The following ZNF704 variants were observed in gnomAD, a reference collection of about 807,000 sequenced individuals.
The protein encoded by ZNF704 is glucocorticoid induced gene 1.
ZNF704 carries 10 observed loss-of-function variants against 44.7 expected under a neutral mutation model. The ratio of observed to expected loss-of-function variants is 0.22; its 90% CI spans 0.14 to 0.38. The LOEUF (loss-of-function observed/expected upper bound fraction) is 0.38. Among genes scored for constraint, ZNF704 ranks in the 10% least tolerant of loss-of-function variants. The probability of loss-of-function intolerance (pLI) is 1.00; values close to 1 mark genes in which losing one functional copy is unlikely to be tolerated. For synonymous variants in ZNF704, 211 were observed against 207.6 expected, an observed-to-expected ratio of 1.02 and a Z score of -0.14; for missense variants, 390 against 545.5, an observed-to-expected ratio of 0.71 and a Z score of 2.84.
At chr8:80,824,226 C>A (rs1295468498) in intron 1 of ZNF704, among the ~76,000 whole-genome samples, 1 of 152,082 alleles carries the variant, frequency 6.6e-6, no homozygotes, top group Admixed American at 6.5e-5. Context: ...GTAAAGAAGA[C>A]CTTAAATGAC....
chr8:80,775,262 G>A (rs938775233), intron 2 of ZNF704, among the ~76,000 whole-genome samples: 2 of 152,152 alleles, frequency 1.3e-5, no homozygotes, highest in African/African-American at 2.4e-5. Flanking sequence ...AGGAATTTGC[G>A]GATAAGGCCT....
chr8:80,709,427 T>C lies in ZNF704; in HGVS notation c.222-16320A>G, dbSNP rs1009319539. 1.6e-4 allele frequency among the ~76,000 whole-genome samples: 17 copies of C among 108,632 alleles called. No homozygotes were observed. The East Asian group carries it at 3.0e-3, about 19-fold the overall frequency. The allele number at this position is 108,632 out of a possible 152,430, so 71.3% of individuals were successfully genotyped here. The stretch of plus-strand genomic sequence containing the variant: ...CCACTGCACTCCACCTTGGCAACAG[T>C]GCGAGACTCCATCTCAAAAAAAAAA... On this transcript the variant is annotated intron_variant, in intron 2 of 8. Transcript: ENST00000327835.
chr8:80,744,785 A>C (rs1361047234), intron 2 of ZNF704, among the ~76,000 whole-genome samples: 1 of 152,312 alleles, frequency 6.6e-6, no homozygotes, highest in African/African-American at 2.4e-5. Flanking sequence ...CACATGAACT[A>C]ACCAATATTA....
At chr8:80,848,163 C>T (rs979018821) in intron 1 of ZNF704, among the ~76,000 whole-genome samples, 2 of 152,128 alleles carry the variant, frequency 1.3e-5, no homozygotes, top group Admixed American at 1.3e-4. Context: ...TGTGCAATTC[C>T]ATGTATATAA....
chr8:80,661,962 C>G (rs1040058391), intron 6 of ZNF704, among the ~76,000 whole-genome samples: 2 of 152,186 alleles, frequency 1.3e-5, no homozygotes, highest in East Asian at 1.9e-4. Flanking sequence ...TCCCAACACA[C>G]AGAAATGATA....
rs1818263496 is a variant in ZNF704, at chr8:80,670,616, G to A, written c.559-13C>T. 1 of 1,546,724 alleles carries A rather than the reference G, an allele frequency of 6.5e-7. No individual in the cohort carries two copies. Among genetic ancestry groups the A allele is most frequent in the Non-Finnish European group, 8.9e-7 (1 of 1,119,242 alleles). Reference sequence around the variant, plus strand: ...CCTTCATGGAATTCTGTAAAGGGGAGAGAGTGATATTAGAATGGAAACTAT... The same window carrying A: ...CCTTCATGGAATTCTGTAAAGGGGAAAGAGTGATATTAGAATGGAAACTAT... On this transcript the variant is annotated splice_polypyrimidine_tract_variant and intron_variant, in intron 4 of 8. Coordinates refer to ENST00000327835, the MANE Select transcript of ZNF704 (RefSeq NM_001033723.3).
intron 4 of ZNF704, among the ~76,000 whole-genome samples, chr8:80,680,962 C>T (rs1440834277): frequency 6.6e-6 from 1 of 152,192 alleles, no homozygotes; most frequent in Non-Finnish European, 1.5e-5. Flanking sequence ...AATGGAATAA[C>T]CCAGAATGTA....
Position 80,635,390 on chromosome 8 carries a change from GTTTT to G in ZNF704, c.*5972_*5975del, listed in dbSNP as rs1163386888. On this transcript the variant is annotated 3_prime_UTR_variant, in exon 9 of 9. Coordinates refer to ENST00000327835, the MANE Select transcript of ZNF704 (RefSeq NM_001033723.3). ...ATCAAGCACTTGTTCTTTTTGTTTT[GTTTT>G]TTTATTTTCCTTTTTTATTTTTTCC... The G allele has an allele frequency of 2.6e-5, 4 of 152,022 alleles. No homozygotes were observed. Among genetic ancestry groups the G allele is most frequent in the South Asian group, 2.1e-4 (1 of 4,814 alleles). 9.4% of individuals were successfully genotyped at this position (152,022 alleles called of 1,614,324 possible).
chr8:80,766,443 G>A (rs1285747844), intron 2 of ZNF704, among the ~76,000 whole-genome samples: 1 of 152,100 alleles, frequency 6.6e-6, no homozygotes, highest in African/African-American at 2.4e-5. Flanking sequence ...CTGCACCCCT[G>A]TCCTTTCCTG....
intron 2 of ZNF704, among the ~76,000 whole-genome samples, chr8:80,727,342 T>C (rs755055606): frequency 1.3e-5 from 2 of 152,106 alleles, no homozygotes; most frequent in Non-Finnish European, 2.9e-5. Flanking sequence ...AGGGGAAAGA[T>C]TCTGCTCTCA....
At chr8:80,724,504 C>T (rs1230527550) in intron 2 of ZNF704, among the ~76,000 whole-genome samples, 1 of 152,198 alleles carries the variant, frequency 6.6e-6, no homozygotes, top group Non-Finnish European at 1.5e-5. Flanking sequence ...TACACTATTC[C>T]TGGCATGTCT....
intron 4 of ZNF704, among the ~76,000 whole-genome samples, chr8:80,682,725 G>A (rs1013555632): frequency 3.3e-5 from 5 of 152,192 alleles, no homozygotes; most frequent in South Asian, 4.1e-4. Flanking sequence ...GCCAAACGGC[G>A]GTGGGGGAGG....
intron 2 of ZNF704, among the ~76,000 whole-genome samples, chr8:80,696,126 A>G (rs1360130640): frequency 6.6e-6 from 1 of 152,236 alleles, no homozygotes; most frequent in African/African-American, 2.4e-5. Flanking sequence ...TATACAAAGT[A>G]GAATTTGTTA....
At chr8:80,738,966 C>A (rs1312626695) in intron 2 of ZNF704, among the ~76,000 whole-genome samples, 1 of 152,104 alleles carries the variant, frequency 6.6e-6, no homozygotes, top group African/African-American at 2.4e-5. Context: ...CTGGATAGAA[C>A]CTGCAGGCTA....
intron 1 of ZNF704, among the ~76,000 whole-genome samples, chr8:80,846,976 C>A (rs1363208258): frequency 1.3e-5 from 2 of 152,034 alleles, no homozygotes; most frequent in African/African-American, 2.4e-5. Flanking sequence ...AGTTCAAGAC[C>A]AGCCTGGCCA....
rs145260665 is a variant in ZNF704, at chr8:80,690,236, T to G, written c.325+2768A>C. ...TTACTGTGCTAACGAAAGTTTGCAT[T>G]GAAGAGCCAAAAGGTTTATTTTAAT... On this transcript the variant is annotated intron_variant, in intron 3 of 8. Transcript: ENST00000327835. Among the ~76,000 whole-genome samples, 331 of 152,300 alleles carry G rather than the reference T, an allele frequency of 2.2e-3. 1 individual carries two copies. The highest frequency in any genetic ancestry group is 7.7e-3 in the African/African-American group (318 of 41,556).
chr8:80,813,644 G>A (rs180735729), intron 2 of ZNF704, among the ~76,000 whole-genome samples: 199 of 152,272 alleles, frequency 1.3e-3, no homozygotes, highest in East Asian at 0.011. Flanking sequence ...TTGGGAGGCC[G>A]AGGCGGGCAG....
At chr8:80,723,618 A>T (rs1806414621) in intron 2 of ZNF704, among the ~76,000 whole-genome samples, 1 of 152,246 alleles carries the variant, frequency 6.6e-6, no homozygotes, top group African/African-American at 2.4e-5. Flanking sequence ...TGGTATTTAG[A>T]TTCCACTGGA....
chr8:80,805,064 T>C (rs558484194), intron 2 of ZNF704, among the ~76,000 whole-genome samples: 1 of 152,324 alleles, frequency 6.6e-6, no homozygotes, highest in East Asian at 1.9e-4. Flanking sequence ...AATGTCATTA[T>C]CAAACTGTAA....
Sources: allele counts gnomAD v4.1 joint callset (sites outside exome capture counted in the v4.1 genomes callset), GRCh38; gene constraint gnomAD v4.1.1; transcripts MANE v1.5; gene names NCBI Gene and HGNC (gene_info 2026-07-23, HGNC 2026-07-21).